WDR64: variants seen among roughly 807,000 people sequenced by gnomAD.
The protein encoded by WDR64 is WD repeat domain 64, also known as WD repeat-containing protein 64.
In WDR64, 112 loss-of-function variants were observed where a neutral mutation model predicts 139.3. The ratio of observed to expected loss-of-function variants is 0.80; its 90% CI spans 0.69 to 0.94. The LOEUF (loss-of-function observed/expected upper bound fraction) is 0.94, where lower values mean the gene tolerates loss of function less well. Among genes scored for constraint, WDR64 ranks in the 40% least tolerant of loss-of-function variants. The pLI, the probability that WDR64 is intolerant of heterozygous loss-of-function variation, is 0.00. For missense variants in WDR64, 1,206 were observed against 1,293.1 expected (o/e 0.93, Z 1.03); for synonymous variants, 444 against 437.7 (o/e 1.01, Z -0.18).
intron 2 of WDR64, among the ~76,000 whole-genome samples, chr1:241,661,425 C>A (rs1190930268): frequency 6.6e-6 from 1 of 151,718 alleles, no homozygotes; most frequent in Non-Finnish European, 1.5e-5. Context: ...AAATAAAAAA[C>A]AAATTAATTA....
At chr1:241,708,016 T>C (rs1188341090) in intron 8 of WDR64, among the ~76,000 whole-genome samples, 1 of 152,198 alleles carries the variant, frequency 6.6e-6, no homozygotes, top group African/African-American at 2.4e-5. Flanking sequence ...TATAGAAGTC[T>C]GCCCATCCCA....
chr1:241,688,574 C>G (rs1034509681), intron 8 of WDR64, among the ~76,000 whole-genome samples: 3 of 152,030 alleles, frequency 2.0e-5, no homozygotes, highest in African/African-American at 7.2e-5. Flanking sequence ...AAAAATGTAA[C>G]AAACTAAAAA....
chr1:241,703,553 T>C lies in WDR64; in HGVS notation c.975-8249T>C, dbSNP rs373153240. On this transcript the variant is annotated intron_variant, in intron 8 of 27. Transcript: ENST00000437684. This position sits in a 1 kb window ranked among gnomAD's most constrained non-coding sequence, Gnocchi z 5.9. Reference sequence around the variant, plus strand: ...AGGGGGATCAGGGAAAAAGTCAGAATGAACTTCCCAGAATCAATACATTTC... The same window carrying C: ...AGGGGGATCAGGGAAAAAGTCAGAACGAACTTCCCAGAATCAATACATTTC... 5.3e-5 allele frequency among the ~76,000 whole-genome samples: 8 copies of C among 151,992 alleles called. No individual in the cohort carries two copies. In the East Asian group the frequency reaches 5.8e-4, roughly 11 times the overall value.
At position 241,741,654 on chromosome 1, in the gene WDR64, C is replaced by A; in HGVS notation, c.1460C>A (p.Ser487Tyr). 6.2e-7 allele frequency: 1 copy of A among 1,607,020 alleles called. No homozygotes were observed. Among genetic ancestry groups the A allele is most frequent in the Non-Finnish European group, 8.5e-7 (1 of 1,178,344 alleles). The change falls in exon 12 of 28, where the codon TCC becomes TAC. Residue 487 changes from serine to tyrosine, a missense_variant. Transcript: ENST00000437684. ...FHQVLTICSE[S>Y]IIRVWELETG... Reference sequence around the variant, plus strand: ...CAAGTACTCACTATCTGCTCTGAATCCATAATTAGGGTAAGTACCTATTGG... The same window carrying A: ...CAAGTACTCACTATCTGCTCTGAATACATAATTAGGGTAAGTACCTATTGG...
In WDR64 at chr1:241,801,905, T is replaced by C. The variant is rs1449497710; in HGVS notation, c.*690T>C. 7.5e-6 allele frequency: 3 copies of C among 397,868 alleles called. No individual in the cohort carries two copies. The highest frequency in any genetic ancestry group is 6.2e-5 in the African/African-American group (3 of 48,538). The allele number at this position is 397,868 out of a possible 1,614,324, so 24.6% of individuals were successfully genotyped here. ...GGTTAAAGTATGCAAGTTTAAAAGG[T>C]TGTCAGAATGGATTAAAAAAACAAA... On this transcript the variant is annotated 3_prime_UTR_variant, in exon 28 of 28. Coordinates refer to ENST00000437684, the MANE Select transcript of WDR64 (RefSeq NM_001367482.1).
At chr1:241,740,743 C>G (rs1669507489) in intron 11 of WDR64, among the ~76,000 whole-genome samples, 1 of 151,894 alleles carries the variant, frequency 6.6e-6, no homozygotes, top group African/African-American at 2.4e-5. Flanking sequence ...CCTCGGCTCA[C>G]TGCAACCTCC....
intron 2 of WDR64, among the ~76,000 whole-genome samples, chr1:241,664,078 A>T (rs1038861832): frequency 2.6e-5 from 4 of 152,206 alleles, no homozygotes; most frequent in Non-Finnish European, 2.9e-5. Context: ...CACAGAAATG[A>T]TTGTTTTTTT....
Position 241,788,033 on chromosome 1 carries a change from A to G in WDR64, c.2890A>G (p.Lys964Glu), listed in dbSNP as rs1659105725. ...YEYPLIFDRE[K>E]WRKMSSVSLL... ...ATATCCTCTGATATTTGACCGGGAA[A>G]AGTAAGACCATTAGCTCTTCTTTAG... Residue 964 changes from lysine (K) to glutamate (E), a missense_variant and splice_region_variant, in exon 24 of 28, where the codon AAA becomes GAA. Transcript: ENST00000437684. 1 of 1,583,676 alleles carries G rather than the reference A, an allele frequency of 6.3e-7. No individual in the cohort carries two copies. The highest frequency in any genetic ancestry group is 1.4e-5 in the African/African-American group (1 of 73,348).
intron 14 of WDR64, among the ~76,000 whole-genome samples, chr1:241,750,018 C>T (rs936281282): frequency 1.3e-5 from 2 of 152,220 alleles, no homozygotes; most frequent in Non-Finnish European, 2.9e-5. Context: ...CCACCTCTGA[C>T]ATGCTTTATA....
chr1:241,686,186 C>G (rs1007370948), intron 7 of WDR64, among the ~76,000 whole-genome samples: 2 of 152,142 alleles, frequency 1.3e-5, no homozygotes, highest in Non-Finnish European at 2.9e-5. Flanking sequence ...GATCTTCAAA[C>G]CTCACCAGAA....
At chr1:241,692,542 A>C (rs945646197) in intron 8 of WDR64, among the ~76,000 whole-genome samples, 2 of 152,238 alleles carry the variant, frequency 1.3e-5, no homozygotes, top group Non-Finnish European at 2.9e-5. Context: ...CTTTTTAACA[A>C]ATGGTTCTAG....
rs75388616 is a variant in WDR64 at position 241,707,909 on chromosome 1, C to A, written c.975-3893C>A. Among the ~76,000 whole-genome samples, 1,050 of 152,332 alleles carry A rather than the reference C, an allele frequency of 6.9e-3. 12 individuals are homozygous for A. The highest frequency in any genetic ancestry group is 0.024 in the African/African-American group (1,000 of 41,566). ...TCATATATTTAGCAACAGAACACAG[C>A]CAGAATCTAGGTCTCCTGACCTCAC... is the stretch of plus-strand genomic sequence containing the variant. On this transcript the variant is annotated intron_variant, in intron 8 of 27. Transcript: ENST00000437684.
intron 14 of WDR64, among the ~76,000 whole-genome samples, chr1:241,751,288 A>G (rs1043430943): frequency 3.9e-5 from 6 of 152,200 alleles, no homozygotes; most frequent in African/African-American, 1.4e-4. Context: ...CCAACTAAAA[A>G]GGGAACAAGC....
intron 15 of WDR64, among the ~76,000 whole-genome samples, chr1:241,763,567 T>C (rs1301738859): frequency 6.6e-6 from 1 of 152,130 alleles, no homozygotes; most frequent in East Asian, 1.9e-4. Flanking sequence ...TAGCCAGGTA[T>C]GGTGGCGTAC....
chr1:241,744,555 T>C (rs1400953905), intron 13 of WDR64, 39 bp downstream of exon 13: 16 of 1,608,550 alleles, frequency 9.9e-6, no homozygotes, highest in African/African-American at 4.0e-5. Context: ...CCTGCTTTAG[T>C]GTCCTGAGAA....
Position 241,796,259 on chromosome 1 carries a change from A to T in WDR64, c.3081A>T (p.Ile1027=). The change falls in exon 27 of 28, where the codon ATA becomes ATT. Residue 1027 remains isoleucine, a splice_region_variant and synonymous_variant. Coordinates refer to ENST00000437684, the MANE Select transcript of WDR64 (RefSeq NM_001367482.1). ...IVFGSLPIYS[I]SSPTSLRFLP... is the part of the protein sequence containing the mutation. ...ACTGACTAATTTATGGCTTCCAGAT[A>T]TCAAGCCCCACTAGTCTAAGATTTC... 6.2e-7 allele frequency: 1 copy of T among 1,609,962 alleles called. No individual in the cohort carries two copies. The highest frequency in any genetic ancestry group is 8.5e-7 in the Non-Finnish European group (1 of 1,177,072).
intron 8 of WDR64, among the ~76,000 whole-genome samples, chr1:241,697,183 C>T (rs1281853532): frequency 1.3e-5 from 2 of 152,156 alleles, no homozygotes; most frequent in East Asian, 3.8e-4. Context: ...TGCTCTACTT[C>T]CTGTCTCATT....
intron 21 of WDR64, among the ~76,000 whole-genome samples, chr1:241,778,568 C>T (rs1658743890): frequency 6.6e-6 from 1 of 152,134 alleles, no homozygotes; most frequent in Non-Finnish European, 1.5e-5. Context: ...GTTGCCCTGG[C>T]TCTTTATTCC....
intron 21 of WDR64, among the ~76,000 whole-genome samples, chr1:241,776,100 A>T (rs1235173137): frequency 6.6e-6 from 1 of 151,822 alleles, no homozygotes; most frequent in Non-Finnish European, 1.5e-5. Context: ...TAAATTTGAG[A>T]CAGAGTCTAT....
Sources: allele counts gnomAD v4.1 joint callset (sites outside exome capture counted in the v4.1 genomes callset), GRCh38; gene constraint gnomAD v4.1.1; non-coding constraint Gnocchi (gnomAD v3.1); transcripts MANE v1.5; gene names NCBI Gene and HGNC (gene_info 2026-07-23, HGNC 2026-07-21).